The following BMPR1B variants were observed in gnomAD, a reference collection of about 807,000 sequenced individuals.
The protein encoded by BMPR1B is bone morphogenetic protein receptor type-1B.
BMPR1B carries 12 observed loss-of-function variants against 59.1 expected under a neutral mutation model. The ratio of observed to expected loss-of-function variants is 0.20; its 90% CI spans 0.13 to 0.33. The LOEUF (loss-of-function observed/expected upper bound fraction) is 0.33, where lower values mean the gene tolerates loss of function less well. BMPR1B is among the 10% of genes least tolerant of loss of function. BMPR1B has a pLI of 1.00. For synonymous variants in BMPR1B, 237 were observed against 207.3 expected, an observed-to-expected ratio of 1.14 and a Z score of -1.23; for missense variants, 550 against 610.9, an observed-to-expected ratio of 0.90 and a Z score of 1.05.
In BMPR1B at chr4:95,135,484, C is replaced by CT. The variant is rs1359502412; in HGVS notation, c.1076+3973dup. ...GCCATTTTCACGATACTGATTCTTCCTATCCATGAGCATGGAAAGTTCTTC... is the reference window on the plus strand; with the variant it reads ...GCCATTTTCACGATACTGATTCTTCCTTATCCATGAGCATGGAAAGTTCTTC... On this transcript the variant is annotated intron_variant, in intron 10 of 12. Coordinates refer to ENST00000515059, the MANE Select transcript of BMPR1B (RefSeq NM_001203.3). Among the ~76,000 whole-genome samples the CT allele has an allele frequency of 2.0e-5, 3 of 152,278 alleles. No individual in the cohort carries two copies. The East Asian group carries it at 5.8e-4, about 29-fold the overall frequency.
At chr4:94,761,207 C>A (rs915280231) in intron 1 of BMPR1B, among the ~76,000 whole-genome samples, 45 of 152,246 alleles carry the variant, frequency 3.0e-4, no homozygotes, top group Admixed American at 2.7e-3. Flanking sequence ...AAAAGCCGTG[C>A]ATGAAATGTA....
chr4:95,128,167 T>G (rs1014357790), intron 8 of BMPR1B, among the ~76,000 whole-genome samples: 1 of 152,180 alleles, frequency 6.6e-6, no homozygotes, highest in African/African-American at 2.4e-5. Context: ...ATTACAGGCA[T>G]GAGCCACCGT....
chr4:94,775,784 AC>A (rs1427502757), intron 1 of BMPR1B, among the ~76,000 whole-genome samples: 3 of 152,238 alleles, frequency 2.0e-5, no homozygotes, highest in African/African-American at 7.2e-5. Context: ...AAATATTATT[AC>A]TACGGTTAGA....
intron 10 of BMPR1B, among the ~76,000 whole-genome samples, chr4:95,145,559 T>C (rs1364713607): frequency 6.6e-6 from 1 of 152,238 alleles, no homozygotes; most frequent in Admixed American, 6.5e-5. Flanking sequence ...CAGTGTTAAA[T>C]CACATTTATG....
intron 1 of BMPR1B, among the ~76,000 whole-genome samples, chr4:94,807,860 C>G (rs754934847): frequency 6.6e-6 from 1 of 151,968 alleles, no homozygotes; most frequent in Non-Finnish European, 1.5e-5. Flanking sequence ...AATTTTTGTT[C>G]TTTTAGTAGA....
At position 94,774,547 on chromosome 4, in the gene BMPR1B, A is replaced by G. The variant is rs181569006; in HGVS notation, c.-183+16479A>G. The stretch of plus-strand genomic sequence containing the variant: ...AAAAATTGGATAACCTTTATACCCA[A>G]CATGTATAAGTTTATTTATGAATTT... On this transcript the variant is annotated intron_variant, in intron 1 of 12. Transcript: ENST00000515059. Among the ~76,000 whole-genome samples the G allele has an allele frequency of 4.6e-3, 693 of 152,200 alleles. 5 individuals are homozygous for G. Among genetic ancestry groups the G allele is most frequent in the African/African-American group, 0.016 (662 of 41,546 alleles).
intron 2 of BMPR1B, among the ~76,000 whole-genome samples, chr4:94,962,113 TTCCTTCCTTCTTTCC>T (rs1730387583): frequency 7.4e-6 from 1 of 135,096 alleles, no homozygotes. Flanking sequence ...CCTTCCTTCC[TTCCTTCCTTCTTTCC>T]TTCCTTCCTT....
At chr4:94,789,358 C>T (rs1407327934) in intron 1 of BMPR1B, among the ~76,000 whole-genome samples, 1 of 152,182 alleles carries the variant, frequency 6.6e-6, no homozygotes, top group East Asian at 1.9e-4. Context: ...AATGATTGCT[C>T]TCAGTTGGTC....
intron 3 of BMPR1B, among the ~76,000 whole-genome samples, chr4:95,101,079 T>G (rs1425433961): frequency 6.6e-6 from 1 of 152,130 alleles, no homozygotes; most frequent in Non-Finnish European, 1.5e-5. Flanking sequence ...TCATGTAGGA[T>G]AACATTGCAG....
At chr4:95,122,352 C>T (rs569347333) in intron 6 of BMPR1B, among the ~76,000 whole-genome samples, 1 of 149,820 alleles carries the variant, frequency 6.7e-6, no homozygotes, top group Admixed American at 6.6e-5. Flanking sequence ...AAAAAAAAGT[C>T]ATGTTGCAAT....
chr4:95,118,857 C>T (rs942588395), intron 6 of BMPR1B, among the ~76,000 whole-genome samples: 1 of 151,926 alleles, frequency 6.6e-6, no homozygotes, highest in African/African-American at 2.4e-5. Context: ...AGGAGGCTGC[C>T]GGGGATAGGG....
At chr4:94,987,915 A>G (rs1721515615) in intron 2 of BMPR1B, among the ~76,000 whole-genome samples, 2 of 152,196 alleles carry the variant, frequency 1.3e-5, no homozygotes, top group Admixed American at 6.5e-5. Flanking sequence ...GTTGTTTAAA[A>G]TGTCAGATAA....
In BMPR1B at chr4:95,148,883, C is replaced by T. The variant is rs1191752500; in HGVS notation, c.1212C>T (p.Gly404=). ...SYIMADMYSF[G]LILWEVARRC... ...TCATGGCTGACATGTATAGTTTTGG[C>T]CTCATCCTTTGGGAGGTTGCTAGGA... The change falls in exon 11 of 13, where the codon GGC becomes GGT. Residue 404 remains glycine (G), a synonymous_variant. Coordinates refer to ENST00000515059, the MANE Select transcript of BMPR1B (RefSeq NM_001203.3). The T allele has an allele frequency of 6.2e-7, 1 of 1,613,998 alleles. No homozygotes were observed.
chr4:94,928,096 C>A (rs1443559802), intron 2 of BMPR1B, among the ~76,000 whole-genome samples: 1 of 150,780 alleles, frequency 6.6e-6, no homozygotes, highest in African/African-American at 2.4e-5. Flanking sequence ...CTCTAGTAGG[C>A]GAAAGTCTCG....
chr4:95,019,746 A>G (rs1181132912), intron 3 of BMPR1B, among the ~76,000 whole-genome samples: 2 of 152,212 alleles, frequency 1.3e-5, no homozygotes, highest in East Asian at 1.9e-4. Context: ...AACAGGAGCT[A>G]TGATAGGAAA....
chr4:95,101,898 C>T (rs759533389), intron 3 of BMPR1B, among the ~76,000 whole-genome samples: 1 of 152,170 alleles, frequency 6.6e-6, no homozygotes. Flanking sequence ...TTTAGTGTCT[C>T]CTCCCTTGAT....
chr4:94,859,701 C>T (rs1223254471), intron 1 of BMPR1B, among the ~76,000 whole-genome samples: 1 of 151,346 alleles, frequency 6.6e-6, no homozygotes. Flanking sequence ...TTAAAATACT[C>T]TGTGACAAGA....
chr4:94,960,479 A>G (rs1730313376), intron 2 of BMPR1B, among the ~76,000 whole-genome samples: 1 of 152,146 alleles, frequency 6.6e-6, no homozygotes, highest in Non-Finnish European at 1.5e-5. Context: ...GTTAGAGCGT[A>G]ACAGAAGAGA....
intron 2 of BMPR1B, among the ~76,000 whole-genome samples, chr4:94,959,202 T>C (rs1483384084): frequency 6.6e-6 from 1 of 152,184 alleles, no homozygotes. Context: ...ACAAATTTCT[T>C]TATATTTTTA....
Sources: gnomAD v4.1 joint callset for allele counts (sites outside exome capture counted in the v4.1 genomes callset) on GRCh38, gnomAD v4.1.1 for gene constraint, MANE v1.5 for transcripts, NCBI Gene and HGNC (gene_info 2026-07-23, HGNC 2026-07-21) for gene names.